Variants in IMMP2L observed in about 807,000 individuals in gnomAD.
IMMP2L encodes inner mitochondrial membrane peptidase subunit 2.
A neutral mutation model predicts 19.3 loss-of-function variants in IMMP2L; 18 were observed. The observed-to-expected ratio is 0.93, with a 90% CI of 0.64 to 1.38. The LOEUF (loss-of-function observed/expected upper bound fraction) is 1.38, where lower values mean the gene tolerates loss of function less well. IMMP2L is among the 40% of genes most tolerant of loss of function. The pLI, the probability that IMMP2L is intolerant of heterozygous loss-of-function variation, is 0.00. For missense variants in IMMP2L, 233 were observed against 218.2 expected (o/e 1.07, Z -0.43); for synonymous variants, 76 against 73.0 (o/e 1.04, Z -0.21).
intron 5 of IMMP2L, among the ~76,000 whole-genome samples, chr7:110,752,416 GACACTATAA>G (rs1797779708): frequency 6.6e-6 from 1 of 151,992 alleles, no homozygotes; most frequent in South Asian, 2.1e-4. Context: ...TAGATTATGA[GACACTATAA>G]TTACCAACTT....
chr7:110,726,958 AG>A (rs1795922098), intron 5 of IMMP2L, among the ~76,000 whole-genome samples: 1 of 152,242 alleles, frequency 6.6e-6, no homozygotes, highest in Non-Finnish European at 1.5e-5. Flanking sequence ...TCATCTGGAA[AG>A]GGTCAAGATC....
At chr7:111,396,955 G>A (rs1325836946) in intron 3 of IMMP2L, among the ~76,000 whole-genome samples, 4 of 151,986 alleles carry the variant, frequency 2.6e-5, no homozygotes, top group Admixed American at 6.6e-5. Flanking sequence ...AGGCATCGTG[G>A]CAGGCGCCTG....
intron 1 of IMMP2L, among the ~76,000 whole-genome samples, chr7:111,526,710 T>C (rs1431778125): frequency 6.6e-6 from 1 of 152,180 alleles, no homozygotes; most frequent in African/African-American, 2.4e-5. Flanking sequence ...GCTATCTATA[T>C]TTCTGGAAAC....
chr7:111,071,037 C>A (rs369092496), intron 3 of IMMP2L, among the ~76,000 whole-genome samples: 7 of 151,986 alleles, frequency 4.6e-5, no homozygotes, highest in African/African-American at 1.7e-4. Flanking sequence ...AGACAGATAA[C>A]CCACTTTAAA....
intron 3 of IMMP2L, among the ~76,000 whole-genome samples, chr7:111,156,006 G>A (rs1427253136): frequency 2.0e-5 from 3 of 152,042 alleles, no homozygotes; most frequent in African/African-American, 2.4e-5. Context: ...GATTATACCT[G>A]TGAGATTTAT....
At chr7:110,726,727 G>A (rs148300733) in intron 5 of IMMP2L, among the ~76,000 whole-genome samples, 20 of 152,282 alleles carry the variant, frequency 1.3e-4, no homozygotes, top group East Asian at 3.9e-4. Flanking sequence ...TTTGATGTGC[G>A]TATAGACTGG....
At chr7:111,300,783 T>C (rs575023852) in intron 3 of IMMP2L, among the ~76,000 whole-genome samples, 11 of 152,174 alleles carry the variant, frequency 7.2e-5, no homozygotes, top group Non-Finnish European at 1.3e-4. Flanking sequence ...GTATCATACC[T>C]TTCCATTGCT....
chr7:111,273,368 C>G (rs891317897), intron 3 of IMMP2L, among the ~76,000 whole-genome samples: 2 of 151,876 alleles, frequency 1.3e-5, no homozygotes, highest in African/African-American at 4.8e-5. Flanking sequence ...TTGGGCTGCA[C>G]GAGAAAGACA....
chr7:111,428,015 G>T (rs1836253332), intron 3 of IMMP2L, among the ~76,000 whole-genome samples: 1 of 151,642 alleles, frequency 6.6e-6, no homozygotes, highest in Non-Finnish European at 1.5e-5. Flanking sequence ...CATCTTTCAT[G>T]ATACGCTCCT....
chr7:111,477,573 G>C (rs1841825489), intron 3 of IMMP2L, among the ~76,000 whole-genome samples: 1 of 151,874 alleles, frequency 6.6e-6, no homozygotes, highest in East Asian at 1.9e-4. Context: ...CTATATTTTT[G>C]CTTCTTTGAA....
At chr7:110,835,188 T>C (rs983607801) in intron 5 of IMMP2L, among the ~76,000 whole-genome samples, 1 of 152,102 alleles carries the variant, frequency 6.6e-6, no homozygotes, top group Admixed American at 6.5e-5. Flanking sequence ...AAGAACAAAA[T>C]AAAAACTTTG....
intron 4 of IMMP2L, among the ~76,000 whole-genome samples, chr7:110,950,208 T>G (rs1053956321): frequency 6.6e-6 from 1 of 152,128 alleles, no homozygotes; most frequent in African/African-American, 2.4e-5. Context: ...ACATCATTTG[T>G]TAAAGAGACT....
chr7:111,175,618 A>T (rs1806965150), intron 3 of IMMP2L, among the ~76,000 whole-genome samples: 1 of 151,830 alleles, frequency 6.6e-6, no homozygotes, highest in East Asian at 1.9e-4. Context: ...CCATGTACAA[A>T]AATCAAATCA....
chr7:110,976,863 C>G (rs1286731196), intron 3 of IMMP2L, among the ~76,000 whole-genome samples: 2 of 151,860 alleles, frequency 1.3e-5, no homozygotes, highest in East Asian at 3.9e-4. Context: ...CTAAAATGAC[C>G]ATGACAATAC....
intron 4 of IMMP2L, among the ~76,000 whole-genome samples, chr7:110,960,047 CATCT>C (rs1818771995): frequency 6.6e-6 from 1 of 151,906 alleles, no homozygotes; most frequent in African/African-American, 2.4e-5. Context: ...AATAATGATC[CATCT>C]GAGTTAAAAG....
chr7:111,441,538 G>A (rs1288261691), intron 3 of IMMP2L, among the ~76,000 whole-genome samples: 1 of 151,562 alleles, frequency 6.6e-6, no homozygotes, highest in African/African-American at 2.4e-5. Context: ...CCTCAAAACA[G>A]TTACAATGGT....
intron 2 of IMMP2L, among the ~76,000 whole-genome samples, chr7:111,503,372 G>A (rs1402614278): frequency 2.6e-5 from 4 of 152,092 alleles, no homozygotes; most frequent in Non-Finnish European, 4.4e-5. Context: ...TGGATTCACA[G>A]CCGAATTCTA....
At chr7:110,718,744 G>A (rs1157225242) in intron 5 of IMMP2L, among the ~76,000 whole-genome samples, 1 of 152,156 alleles carries the variant, frequency 6.6e-6, no homozygotes, top group Non-Finnish European at 1.5e-5. Flanking sequence ...ATCATAAAAG[G>A]CAGATTTAGC....
At chr7:110,894,230 C>T (rs258985) in intron 4 of IMMP2L, among the ~76,000 whole-genome samples, 235 of 152,294 alleles carry the variant, frequency 1.5e-3, no homozygotes, top group African/African-American at 5.4e-3. Flanking sequence ...TAATACCTCC[C>T]CTCAGCTACC....
Sources: gnomAD v4.1 joint callset for allele counts (sites outside exome capture counted in the v4.1 genomes callset) on GRCh38, gnomAD v4.1.1 for gene constraint, MANE v1.5 for transcripts, NCBI Gene and HGNC (gene_info 2026-07-23, HGNC 2026-07-21) for gene names.